The following RGMA variants were observed in gnomAD, a reference collection of about 807,000 sequenced individuals.
The protein encoded by RGMA is repulsive guidance molecule A.
RGMA carries 10 observed loss-of-function variants against 23.2 expected under a neutral mutation model. The ratio of observed to expected loss-of-function variants is 0.43; its 90% CI spans 0.27 to 0.73. RGMA has a LOEUF of 0.73. RGMA is among the 30% of genes least tolerant of loss of function. The pLI is 0.20. For missense variants in RGMA, 547 were observed against 630.5 expected, an observed-to-expected ratio of 0.87 and a Z score of 1.42; for synonymous variants, 308 against 279.3, an observed-to-expected ratio of 1.10 and a Z score of -1.03.
intron 2 of RGMA, among the ~76,000 whole-genome samples, chr15:93,065,177 A>T (rs1309715621): frequency 1.3e-5 from 2 of 152,078 alleles, no homozygotes; most frequent in African/African-American, 2.4e-5. Flanking sequence ...GACCACAGGA[A>T]AGCCTGTTTT....
rs768669460 is a variant in RGMA, at chr15:93,045,733, G to A, written c.646-28C>T. 2 of 1,543,836 alleles carry A rather than the reference G, an allele frequency of 1.3e-6. No individual in the cohort carries two copies. The highest frequency in any genetic ancestry group is 4.5e-5 in the East Asian group (2 of 44,532). ...GCCGGGGAAAGGGGCAGAGGAGAGTGGGTGAGGCACAGTGGGAGGAGGCAC... is the reference window on the plus strand; with the variant it reads ...GCCGGGGAAAGGGGCAGAGGAGAGTAGGTGAGGCACAGTGGGAGGAGGCAC... On this transcript the variant is annotated intron_variant, in intron 3 of 3. Coordinates refer to ENST00000329082, the MANE Select transcript of RGMA (RefSeq NM_020211.3). This position sits in a 1 kb window ranked among gnomAD's most constrained non-coding sequence, Gnocchi z 6.9.
rs1472958195 is a variant in RGMA at position 93,042,396 on chromosome 15, C to G, written c.*2602G>C. On this transcript the variant is annotated 3_prime_UTR_variant, in exon 4 of 4. Transcript: ENST00000329082. The stretch of plus-strand genomic sequence containing the variant: ...CCAGACAAGCCATGTGTGCCCCGCC[C>G]TCTCCTAAGCAATTTACAGGAATGA... 8 of 152,282 alleles carry G rather than the reference C, an allele frequency of 5.3e-5. No individual in the cohort carries two copies. The highest frequency in any genetic ancestry group is 1.7e-4 in the African/African-American group (7 of 41,426). The allele number at this position is 152,282 out of a possible 1,614,324, so 9.4% of individuals were successfully genotyped here. A position where few individuals can be genotyped will look rare whatever the true frequency, so the allele number is the denominator to read the frequency against.
At chr15:93,067,058 T>C (rs1283950930) in intron 2 of RGMA, among the ~76,000 whole-genome samples, 3 of 152,260 alleles carry the variant, frequency 2.0e-5, no homozygotes, top group Admixed American at 6.5e-5. Context: ...TAAAAATTAT[T>C]ACTCTCCTTC....
chr15:93,036,808 AC>A lies in RGMA; in HGVS notation c.*8189del, dbSNP rs1383812247. On this transcript the variant is annotated 3_prime_UTR_variant, in exon 4 of 4. Transcript: ENST00000329082. ...GGGTGGACGCGTGCTCTCCTACCAG[AC>A]CCTGCTTGTAACCTGGAGTGGGTCA... 3 of 152,064 alleles carry A rather than the reference AC, an allele frequency of 2.0e-5. No individual in the cohort carries two copies. Among genetic ancestry groups the A allele is most frequent in the African/African-American group, 7.3e-5 (3 of 41,358 alleles). 9.4% of individuals were successfully genotyped at this position (152,064 alleles called of 1,614,324 possible).
intron 3 of RGMA, among the ~76,000 whole-genome samples, chr15:93,050,608 C>G (rs1043954659): frequency 4.6e-5 from 7 of 152,222 alleles, no homozygotes; most frequent in Non-Finnish European, 8.8e-5. Flanking sequence ...CCCGTCACAT[C>G]ACCCCCATCC....
rs117006277 is a variant in RGMA at position 93,081,992 on chromosome 15, C to A, written c.14+6927G>T. On this transcript the variant is annotated intron_variant, in intron 1 of 3. Coordinates refer to ENST00000329082, the MANE Select transcript of RGMA (RefSeq NM_020211.3). ...GCATGCTGGGCTAAGAACATGCAGTCCGAACACAGACTCTCTAGAGCTCAG... is the reference window on the plus strand; with the variant it reads ...GCATGCTGGGCTAAGAACATGCAGTACGAACACAGACTCTCTAGAGCTCAG... 2.6e-4 allele frequency among the ~76,000 whole-genome samples: 40 copies of A among 152,316 alleles called. 1 individual carries two copies. The East Asian group carries it at 7.7e-3, about 29-fold the overall frequency.
rs2054739562 is a variant in RGMA at position 93,042,672 on chromosome 15, A to T, written c.*2326T>A. 1 of 152,290 alleles carries T rather than the reference A, an allele frequency of 6.6e-6. No homozygotes were observed. Among genetic ancestry groups the T allele is most frequent in the South Asian group, 2.1e-4 (1 of 4,838 alleles). 9.4% of individuals were successfully genotyped at this position (152,290 alleles called of 1,614,324 possible). A position where few individuals can be genotyped will look rare whatever the true frequency, so the allele number is the denominator to read the frequency against. On this transcript the variant is annotated 3_prime_UTR_variant, in exon 4 of 4. Transcript: ENST00000329082. ...TTCCCGTTGCTAAGGAGCCCTAGGC[A>T]AGTCAGTTAATCTCAGAGTCTGTTT... is the stretch of plus-strand genomic sequence containing the variant.
chr15:93,065,942 G>A (rs564144444), intron 2 of RGMA: 252 of 783,758 alleles, frequency 3.2e-4, no homozygotes, highest in African/African-American at 7.0e-4. Context: ...AACCACCGTC[G>A]GTAGAAGAAG....
intron 1 of RGMA, chr15:93,073,613 A>G: frequency 1.3e-6 from 2 of 1,537,000 alleles, no homozygotes; most frequent in Non-Finnish European, 1.7e-6. Context: ...CCCCTGGCTC[A>G]TCAGTCGCAC....
At chr15:93,077,011 G>A (rs961836992) in intron 1 of RGMA, among the ~76,000 whole-genome samples, 2 of 152,210 alleles carry the variant, frequency 1.3e-5, no homozygotes, top group African/African-American at 2.4e-5. Context: ...CTTTCCCAGT[G>A]TAGGAGTATG....
At chr15:93,072,425 G>A (rs1191138599) in intron 2 of RGMA, among the ~76,000 whole-genome samples, 1 of 152,232 alleles carries the variant, frequency 6.6e-6, no homozygotes, top group Non-Finnish European at 1.5e-5. Flanking sequence ...GTGGCCAAAT[G>A]GGTGGAAACG....
intron 1 of RGMA, among the ~76,000 whole-genome samples, chr15:93,080,431 G>T (rs1285878671): frequency 2.6e-5 from 4 of 152,168 alleles, no homozygotes; most frequent in Non-Finnish European, 5.9e-5. Flanking sequence ...CACTGCAGAA[G>T]GTAAGTAACC....
intron 1 of RGMA, among the ~76,000 whole-genome samples, chr15:93,076,864 G>A (rs1238152382): frequency 1.3e-5 from 2 of 152,168 alleles, no homozygotes; most frequent in African/African-American, 2.4e-5. Flanking sequence ...AGTCCGCACC[G>A]GGCTTAAAGT....
At chr15:93,058,437 G>T (rs1013315136) in intron 2 of RGMA, among the ~76,000 whole-genome samples, 1 of 152,250 alleles carries the variant, frequency 6.6e-6, no homozygotes, top group Non-Finnish European at 1.5e-5. Context: ...GAGCAAAGCC[G>T]GGAGACTCGG....
chr15:93,049,531 TA>T (rs893523265), intron 3 of RGMA, among the ~76,000 whole-genome samples: 1 of 152,154 alleles, frequency 6.6e-6, no homozygotes, highest in African/African-American at 2.4e-5. Flanking sequence ...AGACACTGGC[TA>T]AAATGTCCAC....
Position 93,042,354 on chromosome 15 carries a change from C to A in RGMA, c.*2644G>T, listed in dbSNP as rs532015051. ...TTATCTTGCTTTGGGATAATACCAC[C>A]CCCTCCCTCCCCACGACCAGACAAG... On this transcript the variant is annotated 3_prime_UTR_variant, in exon 4 of 4. Transcript: ENST00000329082. 3 of 118,834 alleles carry A rather than the reference C, an allele frequency of 2.5e-5. No homozygotes were observed. The East Asian group carries it at 5.9e-4, about 23-fold the overall frequency. The allele number at this position is 118,834 out of a possible 1,614,324, so 7.4% of individuals were successfully genotyped here. A position where few individuals can be genotyped will look rare whatever the true frequency, so the allele number is the denominator to read the frequency against.
intron 2 of RGMA, among the ~76,000 whole-genome samples, chr15:93,067,295 C>A (rs746687975): frequency 6.6e-6 from 1 of 151,522 alleles, no homozygotes; most frequent in African/African-American, 2.4e-5. Flanking sequence ...AAAAAAAAAT[C>A]CTGTGGTCTT....
At chr15:93,072,406 T>C (rs1371241414) in intron 2 of RGMA, among the ~76,000 whole-genome samples, 1 of 152,150 alleles carries the variant, frequency 6.6e-6, no homozygotes, top group Non-Finnish European at 1.5e-5. Context: ...AGTCCGTGGG[T>C]GTCCCCGCGT....
At position 93,052,123 on chromosome 15, in the gene RGMA, C is replaced by G; in HGVS notation, c.515G>C (p.Arg172Thr). ...GGTCTGGAAGCGGTCGGTGAAAGTC[C>G]TGAGGTGTGGGTCCCCGAAGAGGCC... ...HCGLFGDPHL[R>T]TFTDRFQTCK... Residue 172 changes from arginine to threonine, a missense_variant, in exon 3 of 4, where the codon AGG becomes ACG. Transcript: ENST00000329082. The G allele has an allele frequency of 1.9e-6, 3 of 1,613,906 alleles. No homozygotes were observed. Among genetic ancestry groups the G allele is most frequent in the Non-Finnish European group, 2.5e-6 (3 of 1,179,862 alleles).
Sources: gnomAD v4.1 joint callset for allele counts (sites outside exome capture counted in the v4.1 genomes callset) on GRCh38, gnomAD v4.1.1 for gene constraint, Gnocchi (gnomAD v3.1) non-coding constraint, MANE v1.5 for transcripts, NCBI Gene and HGNC (gene_info 2026-07-23, HGNC 2026-07-21) for gene names.